Variants in REL observed in about 807,000 individuals in gnomAD.
REL encodes REL proto-oncogene, NF-kB subunit.
REL carries 15 observed loss-of-function variants against 45.9 expected under a neutral mutation model. The ratio of observed to expected loss-of-function variants is 0.33; its 90% CI spans 0.22 to 0.50. The LOEUF (loss-of-function observed/expected upper bound fraction) is 0.50. Ranked by LOEUF, REL falls within the 20% of genes least tolerant of loss-of-function variation. The pLI is 0.98. For missense variants in REL, 601 were observed against 715.2 expected, an observed-to-expected ratio of 0.84 and a Z score of 1.82; for synonymous variants, 239 against 242.1, an observed-to-expected ratio of 0.99 and a Z score of 0.12.
intron 4 of REL, among the ~76,000 whole-genome samples, chr2:60,910,464 C>G (rs1456089676): frequency 3.2e-5 from 2 of 62,472 alleles, no homozygotes; most frequent in Non-Finnish European, 6.2e-5. Flanking sequence ...GACTCCATCT[C>G]AAAAAAAAAA....
chr2:60,928,313 G>GA lies in REL; in HGVS notation c.*5784dup, dbSNP rs1195576734. 8 of 152,400 alleles carry GA rather than the reference G, an allele frequency of 5.2e-5. No individual in the cohort carries two copies. The highest frequency in any genetic ancestry group is 1.0e-4 in the Non-Finnish European group (7 of 68,284). The allele number at this position is 152,400 out of a possible 1,614,324, so 9.4% of individuals were successfully genotyped here. A position where few individuals can be genotyped will look rare whatever the true frequency, so the allele number is the denominator to read the frequency against. Reference sequence around the variant, plus strand: ...ACCAATGCCTTTCTTCACAGAATTGGAAAAAACTACTTTAAAGTTCATATG... The same window carrying GA: ...ACCAATGCCTTTCTTCACAGAATTGGAAAAAAACTACTTTAAAGTTCATATG... On this transcript the variant is annotated 3_prime_UTR_variant, in exon 10 of 10. Coordinates refer to ENST00000394479, the MANE Select transcript of REL (RefSeq NM_001291746.2).
At chr2:60,886,218 C>T (rs1337587335) in intron 1 of REL, among the ~76,000 whole-genome samples, 8 of 152,184 alleles carry the variant, frequency 5.3e-5, no homozygotes, top group Admixed American at 5.2e-4. Flanking sequence ...ATCTTCTAAA[C>T]ATCTCAAGTG....
chr2:60,897,454 T>A (rs777927996), intron 3 of REL, among the ~76,000 whole-genome samples: 16 of 151,932 alleles, frequency 1.1e-4, no homozygotes, highest in Non-Finnish European at 4.4e-5. Flanking sequence ...ATTACAGGCG[T>A]GCACTACCAC....
intron 5 of REL, among the ~76,000 whole-genome samples, chr2:60,917,568 C>T (rs1204772901): frequency 7.7e-6 from 1 of 130,376 alleles, no homozygotes; most frequent in Non-Finnish European, 1.6e-5. Flanking sequence ...CTCACTCTGT[C>T]ACCCAGGCTG....
intron 4 of REL, among the ~76,000 whole-genome samples, chr2:60,911,672 T>C (rs1673817091): frequency 6.6e-6 from 1 of 151,976 alleles, no homozygotes; most frequent in African/African-American, 2.4e-5. Flanking sequence ...AATGGAGAGG[T>C]ATTCCGTGTT....
intron 3 of REL, chr2:60,900,749 C>G (rs1673471670): frequency 2.5e-6 from 1 of 393,098 alleles, no homozygotes; most frequent in Non-Finnish European, 4.5e-6. Flanking sequence ...TCTGGAACTC[C>G]TGACCTCAGG....
At chr2:60,907,420 G>A (rs1196554386) in intron 4 of REL, among the ~76,000 whole-genome samples, 1 of 151,892 alleles carries the variant, frequency 6.6e-6, no homozygotes, top group African/African-American at 2.4e-5. Flanking sequence ...GCCAAGATGG[G>A]TGGATCACTT....
At chr2:60,897,683 T>C (rs1365430503) in intron 3 of REL, among the ~76,000 whole-genome samples, 1 of 151,980 alleles carries the variant, frequency 6.6e-6, no homozygotes, top group Non-Finnish European at 1.5e-5. Flanking sequence ...TGGTGGGGAA[T>C]GGTAGTAAGT....
At position 60,897,330 on chromosome 2, in the gene REL, C is replaced by T. The variant is rs1202173129; in HGVS notation, c.302+2785C>T. On this transcript the variant is annotated intron_variant, in intron 3 of 9. Coordinates refer to ENST00000394479, the MANE Select transcript of REL (RefSeq NM_001291746.2). ...TTTTTTTTTTCCTTTTTTTTTGAGACAGAGCCTTGCTCTGTTGCCCAGGCT... is the reference window on the plus strand; with the variant it reads ...TTTTTTTTTTCCTTTTTTTTTGAGATAGAGCCTTGCTCTGTTGCCCAGGCT... Among the ~76,000 whole-genome samples, 13 of 147,388 alleles carry T rather than the reference C, an allele frequency of 8.8e-5. 1 individual carries two copies. The highest frequency in any genetic ancestry group is 7.5e-4 in the Admixed American group (11 of 14,686).
intron 5 of REL, 40 bp downstream of exon 5, chr2:60,917,057 T>C: frequency 6.6e-7 from 1 of 1,525,598 alleles, no homozygotes; most frequent in African/African-American, 1.4e-5. Flanking sequence ...TCTTAACTTG[T>C]TTTTTGTAAT....
rs879542428 is a variant in REL at position 60,930,582 on chromosome 2, G to T, written c.*8047G>T. 6.6e-6 allele frequency: 1 copy of T among 152,286 alleles called. No individual in the cohort carries two copies. The highest frequency in any genetic ancestry group is 6.5e-5 in the Admixed American group (1 of 15,278). The allele number at this position is 152,286 out of a possible 1,614,324, so 9.4% of individuals were successfully genotyped here. A position where few individuals can be genotyped will look rare whatever the true frequency, so the allele number is the denominator to read the frequency against. ...TAGTTAAGCACAAAGTTAACAGTGG[G>T]TAGGATTGAATCTTGAAAGTAATCA... On this transcript the variant is annotated 3_prime_UTR_variant, in exon 10 of 10. Transcript: ENST00000394479.
Position 60,894,495 on chromosome 2 carries a change from C to T in REL, c.252C>T (p.Cys84=), listed in dbSNP as rs1036739383. The T allele has an allele frequency of 3.1e-6, 5 of 1,607,152 alleles. No homozygotes were observed. Among genetic ancestry groups the T allele is most frequent in the South Asian group, 1.1e-5 (1 of 90,022 alleles). ...PHPHDLVGKD[C]RDGYYEAEFG... is the part of the protein sequence containing the mutation. ...CTCATGATTTAGTTGGAAAAGACTGCAGAGACGGCTACTATGAAGCAGAAT... is the reference window on the plus strand; with the variant it reads ...CTCATGATTTAGTTGGAAAAGACTGTAGAGACGGCTACTATGAAGCAGAAT... The change falls in exon 3 of 10, where the codon TGC becomes TGT. Residue 84 remains cysteine (C), a synonymous_variant. Transcript: ENST00000394479.
intron 9 of REL, 67 bp from the exon 10 acceptor site, chr2:60,921,696 T>G: frequency 7.2e-7 from 1 of 1,394,252 alleles, no homozygotes; most frequent in East Asian, 2.3e-5. Context: ...TATGCAATTT[T>G]AATTTAGAAA....
intron 4 of REL, among the ~76,000 whole-genome samples, chr2:60,908,203 G>A (rs963810431): frequency 2.0e-5 from 3 of 152,268 alleles, no homozygotes; most frequent in Middle Eastern, 3.4e-3. Flanking sequence ...CTTGTGGACA[G>A]GGTCTGTGAT....
intron 4 of REL, among the ~76,000 whole-genome samples, chr2:60,905,721 G>T (rs1673628614): frequency 6.6e-6 from 1 of 152,120 alleles, no homozygotes; most frequent in Non-Finnish European, 1.5e-5. Context: ...AAGCCTTAGA[G>T]CAGGAAGGAA....
chr2:60,904,890 T>G (rs1031999952), intron 4 of REL, among the ~76,000 whole-genome samples: 1 of 152,106 alleles, frequency 6.6e-6, no homozygotes, highest in Non-Finnish European at 1.5e-5. Flanking sequence ...ACCCCGTCTC[T>G]AAGTAAAGAA....
At chr2:60,917,680 C>CTGTGTG (rs34038794) in intron 5 of REL, among the ~76,000 whole-genome samples, 3,586 of 142,254 alleles carry the variant, frequency 0.025, 92 homozygotes, top group African/African-American at 0.067. Flanking sequence ...CCCCAAAATA[C>CTGTGTG]TGTGTGTGTG....
intron 4 of REL, among the ~76,000 whole-genome samples, chr2:60,903,596 C>A (rs889234856): frequency 3.9e-5 from 6 of 152,110 alleles, no homozygotes; most frequent in Middle Eastern, 3.4e-3. Context: ...TGCAGTGTCA[C>A]AATCTCGACT....
At chr2:60,911,680 G>A (rs1366342845) in intron 4 of REL, among the ~76,000 whole-genome samples, 2 of 152,054 alleles carry the variant, frequency 1.3e-5, no homozygotes, top group African/African-American at 4.8e-5. Flanking sequence ...GGTATTCCGT[G>A]TTCTCTAATA....
Sources: gnomAD v4.1 joint callset for allele counts (sites outside exome capture counted in the v4.1 genomes callset) on GRCh38, gnomAD v4.1.1 for gene constraint, MANE v1.5 for transcripts, NCBI Gene and HGNC (gene_info 2026-07-23, HGNC 2026-07-21) for gene names.